The following ANO6 variants were observed in gnomAD, a reference collection of about 807,000 sequenced individuals.
ANO6 encodes the protein anoctamin-6.
In ANO6, 106 loss-of-function variants were observed where a neutral mutation model predicts 117.5. The ratio of observed to expected loss-of-function variants is 0.90; its 90% CI spans 0.77 to 1.06. The LOEUF is 1.06. Ranked by LOEUF, ANO6 falls within the 50% of genes least tolerant of loss-of-function variation. The probability of loss-of-function intolerance (pLI) is 0.00; values close to 1 mark genes in which losing one functional copy is unlikely to be tolerated. For synonymous variants in ANO6, 367 were observed against 385.1 expected, an observed-to-expected ratio of 0.95 and a Z score of 0.55; for missense variants, 955 against 1,121.1, an observed-to-expected ratio of 0.85 and a Z score of 2.12.
chr12:45,243,757 C>T (rs1416144366), intron 1 of ANO6, among the ~76,000 whole-genome samples: 1 of 152,072 alleles, frequency 6.6e-6, no homozygotes, highest in African/African-American at 2.4e-5. Context: ...GCCATGTTGG[C>T]CCAGCTGGTT....
At chr12:45,260,645 C>T (rs913631430) in intron 1 of ANO6, among the ~76,000 whole-genome samples, 4 of 152,112 alleles carry the variant, frequency 2.6e-5, no homozygotes, top group Admixed American at 1.3e-4. Flanking sequence ...TATCACAAGT[C>T]CTGCTCAGAG....
intron 1 of ANO6, among the ~76,000 whole-genome samples, chr12:45,253,491 A>C (rs1262737253): frequency 6.6e-6 from 1 of 152,234 alleles, no homozygotes; most frequent in Non-Finnish European, 1.5e-5. Context: ...AAATTTTTAA[A>C]TATATCTAAA....
At chr12:45,382,399 G>A (rs1942191225) in intron 10 of ANO6, among the ~76,000 whole-genome samples, 2 of 152,130 alleles carry the variant, frequency 1.3e-5, no homozygotes, top group African/African-American at 4.8e-5. Flanking sequence ...AATGTGCTTA[G>A]TCACAACATA....
intron 1 of ANO6, among the ~76,000 whole-genome samples, chr12:45,241,406 C>T (rs1168772277): frequency 6.6e-6 from 1 of 152,192 alleles, no homozygotes; most frequent in Non-Finnish European, 1.5e-5. Context: ...TCCATCAGGT[C>T]ATTTAAGGTC....
chr12:45,420,885 C>T lies in ANO6; in HGVS notation c.2218-186C>T, dbSNP rs188635343. 1.2e-3 allele frequency among the ~76,000 whole-genome samples: 175 copies of T among 152,092 alleles called. 1 individual carries two copies. The highest frequency in any genetic ancestry group is 3.7e-3 in the African/African-American group (154 of 41,496). ...ACTAAAAGTACAAAAATTAGCCAGG[C>T]GTGGTGGCACGTGCCTGTAATCCCA... On this transcript the variant is annotated intron_variant, in intron 17 of 19. Transcript: ENST00000320560.
chr12:45,415,037 G>C (rs1279404765), intron 16 of ANO6, among the ~76,000 whole-genome samples: 16 of 152,000 alleles, frequency 1.1e-4, no homozygotes, highest in Admixed American at 1.0e-3. Context: ...GGATTACAGA[G>C]ATTAGCTGCC....
chr12:45,239,147 T>C (rs916994021), intron 1 of ANO6, among the ~76,000 whole-genome samples: 2 of 152,352 alleles, frequency 1.3e-5, no homozygotes, highest in South Asian at 4.1e-4. Flanking sequence ...TCTGGTAGAA[T>C]TTGGCTGTGA....
In ANO6 at chr12:45,348,268, A is replaced by G. The variant is rs1008915451; in HGVS notation, c.586A>G (p.Ile196Val). 1.1e-5 allele frequency: 18 copies of G among 1,613,952 alleles called. No individual in the cohort carries two copies. Among genetic ancestry groups the G allele is most frequent in the African/African-American group, 6.7e-5 (5 of 74,902 alleles). The change falls in exon 5 of 20, where the codon ATA becomes GTA. Residue 196 changes from isoleucine (I) to valine (V), a missense_variant. Physicochemically the swap from Ile to Val is conservative, Grantham distance 29. Coordinates refer to ENST00000320560, the MANE Select transcript of ANO6 (RefSeq NM_001025356.3). ...FEKNRMNDFYIVDRDAFFNPA... is the reference protein window; with the variant it reads ...FEKNRMNDFYVVDRDAFFNPA... The stretch of plus-strand genomic sequence containing the variant: ...GAAGAACCGGATGAATGATTTTTAC[A>G]TAGTTGATAGAGATGCTTTCTTCAA...
downstream of ANO6, among the ~76,000 whole-genome samples, chr12:45,435,146 T>C (rs1014340662): frequency 2.0e-5 from 3 of 152,260 alleles, no homozygotes; most frequent in African/African-American, 7.2e-5. Context: ...CCTGGATGTC[T>C]CCTCAGAGCT....
intron 12 of ANO6, 127 bp from the exon 13 acceptor site, chr12:45,401,668 G>T (rs921421022): frequency 6.3e-6 from 5 of 798,518 alleles, no homozygotes; most frequent in Non-Finnish European, 1.1e-5. Flanking sequence ...TTCTACCACC[G>T]CTGGTATCAC....
intron 18 of ANO6, among the ~76,000 whole-genome samples, chr12:45,421,686 T>C (rs924774195): frequency 1.3e-5 from 2 of 152,240 alleles, no homozygotes; most frequent in Admixed American, 6.5e-5. Context: ...TATTGTGTTA[T>C]TCAAGCACAA....
In ANO6 at chr12:45,350,649, T is replaced by C. The variant is rs938464729; in HGVS notation, c.748-10T>C. ...ATTATGGTGCTTACATGTTCCCTTCTGCGTCACAGTGCAAATTCCGCCGTC... is the reference window on the plus strand; with the variant it reads ...ATTATGGTGCTTACATGTTCCCTTCCGCGTCACAGTGCAAATTCCGCCGTC... On this transcript the variant is annotated splice_polypyrimidine_tract_variant and intron_variant, in intron 6 of 19. Coordinates refer to ENST00000320560, the MANE Select transcript of ANO6 (RefSeq NM_001025356.3). 1 of 1,607,524 alleles carries C rather than the reference T, an allele frequency of 6.2e-7. No individual in the cohort carries two copies. The highest frequency in any genetic ancestry group is 1.3e-5 in the African/African-American group (1 of 74,924).
chr12:45,222,927 A>T (rs1360182951), intron 1 of ANO6, among the ~76,000 whole-genome samples: 1 of 152,216 alleles, frequency 6.6e-6, no homozygotes, highest in Non-Finnish European at 1.5e-5. Context: ...ACTTTTCAAC[A>T]TGGTTCAATC....
At chr12:45,281,301 C>T (rs1938723742) in intron 1 of ANO6, among the ~76,000 whole-genome samples, 1 of 152,162 alleles carries the variant, frequency 6.6e-6, no homozygotes, top group Non-Finnish European at 1.5e-5. Flanking sequence ...AACCAGCCTT[C>T]TTTAAAAATC....
At chr12:45,427,314 A>C (rs1346652655) in intron 19 of ANO6, among the ~76,000 whole-genome samples, 1 of 152,120 alleles carries the variant, frequency 6.6e-6, no homozygotes, top group Non-Finnish European at 1.5e-5. Flanking sequence ...TCATGGATCC[A>C]GCCACGCCCC....
chr12:45,418,270 T>G (rs1466650120), intron 17 of ANO6, among the ~76,000 whole-genome samples: 1 of 152,156 alleles, frequency 6.6e-6, no homozygotes, highest in Non-Finnish European at 1.5e-5. Context: ...AACCGTACAT[T>G]TATCTGAATT....
intron 1 of ANO6, among the ~76,000 whole-genome samples, chr12:45,273,972 C>T (rs779257990): frequency 6.6e-6 from 1 of 152,210 alleles, no homozygotes. Context: ...CTCAGCAGCA[C>T]GGGGCACAAC....
chr12:45,394,085 T>C (rs1306271580), intron 12 of ANO6, among the ~76,000 whole-genome samples: 1 of 152,164 alleles, frequency 6.6e-6, no homozygotes, highest in Non-Finnish European at 1.5e-5. Flanking sequence ...ATCAGTGTGC[T>C]GAATTGAGGA....
At chr12:45,425,180 G>GA (rs895034377) in intron 19 of ANO6, among the ~76,000 whole-genome samples, 1 of 151,982 alleles carries the variant, frequency 6.6e-6, no homozygotes, top group Non-Finnish European at 1.5e-5. Flanking sequence ...TGGTGAAATG[G>GA]AAAAAAACAT....
Sources: gnomAD v4.1 joint callset for allele counts (sites outside exome capture counted in the v4.1 genomes callset) on GRCh38, gnomAD v4.1.1 for gene constraint, MANE v1.5 for transcripts, NCBI Gene and HGNC (gene_info 2026-07-23, HGNC 2026-07-21) for gene names.